Variants in SLC25A13 observed in about 807,000 individuals in gnomAD.
SLC25A13 encodes electrogenic aspartate/glutamate antiporter SLC25A13, mitochondrial.
A neutral mutation model predicts 85.5 loss-of-function variants in SLC25A13; 70 were observed. That is an observed-to-expected ratio of 0.82 (90% confidence interval 0.68 to 1.00). SLC25A13 has a LOEUF of 1.00. SLC25A13 is among the 50% of genes least tolerant of loss of function. SLC25A13 has a pLI of 0.00. For missense variants in SLC25A13, 765 were observed against 819.8 expected, an observed-to-expected ratio of 0.93 and a Z score of 0.82; for synonymous variants, 259 against 288.7, an observed-to-expected ratio of 0.90 and a Z score of 1.04.
intron 4 of SLC25A13, among the ~76,000 whole-genome samples, chr7:96,217,968 C>G (rs1795963042): frequency 1.3e-5 from 2 of 150,042 alleles, no homozygotes; most frequent in African/African-American, 4.9e-5. Context: ...TAACCCTGGG[C>G]AAATTACTTA....
At chr7:96,298,017 T>G (rs984957267) in intron 1 of SLC25A13, among the ~76,000 whole-genome samples, 2 of 152,112 alleles carry the variant, frequency 1.3e-5, no homozygotes, top group East Asian at 3.9e-4. Flanking sequence ...AACAGTGGGT[T>G]TATTCAATGT....
intron 2 of SLC25A13, among the ~76,000 whole-genome samples, chr7:96,293,863 A>T (rs972705359): frequency 2.6e-5 from 4 of 152,202 alleles, no homozygotes; most frequent in African/African-American, 7.2e-5. Flanking sequence ...ATTGTGGAAG[A>T]CAGTGTGGCA....
rs116890668 is a variant in SLC25A13 at position 96,230,936 on chromosome 7, C to T, written c.328+3866G>A. ...CCAGCTTCGCCAACATGGTGAAACCCTGTCTCTACTGAAAAATACAAAAAA... is the reference window on the plus strand; with the variant it reads ...CCAGCTTCGCCAACATGGTGAAACCTTGTCTCTACTGAAAAATACAAAAAA... On this transcript the variant is annotated intron_variant, in intron 4 of 17. Transcript: ENST00000265631. 7.1e-4 allele frequency among the ~76,000 whole-genome samples: 108 copies of T among 152,278 alleles called. No homozygotes were observed. In the East Asian group the frequency reaches 0.018, roughly 25 times the overall value.
At chr7:96,218,517 CT>C (rs1320068402) in intron 4 of SLC25A13, among the ~76,000 whole-genome samples, 1 of 152,146 alleles carries the variant, frequency 6.6e-6, no homozygotes, top group Non-Finnish European at 1.5e-5. Flanking sequence ...TCATCAAGGT[CT>C]TCACTTATGC....
intron 5 of SLC25A13, among the ~76,000 whole-genome samples, chr7:96,207,655 A>G (rs1795510670): frequency 6.6e-6 from 1 of 152,214 alleles, no homozygotes; most frequent in Non-Finnish European, 1.5e-5. Flanking sequence ...ATAGATATTG[A>G]CCTCTAGTGA....
At chr7:96,229,862 C>G (rs1372111634) in intron 4 of SLC25A13, among the ~76,000 whole-genome samples, 4 of 152,126 alleles carry the variant, frequency 2.6e-5, no homozygotes, top group Admixed American at 6.5e-5. Flanking sequence ...TAACACTCAC[C>G]ACGAGGGTCC....
chr7:96,254,592 A>G (rs1394043388), intron 3 of SLC25A13, among the ~76,000 whole-genome samples: 3 of 152,182 alleles, frequency 2.0e-5, no homozygotes, highest in African/African-American at 7.2e-5. Flanking sequence ...GTGTATATAT[A>G]CCCTATTGGA....
intron 4 of SLC25A13, among the ~76,000 whole-genome samples, chr7:96,211,169 T>C (rs1220427919): frequency 1.3e-5 from 2 of 152,158 alleles, no homozygotes; most frequent in Non-Finnish European, 2.9e-5. Context: ...ACAATCTTAT[T>C]TATCTATAAT....
chr7:96,208,663 G>A (rs910592406), intron 5 of SLC25A13, among the ~76,000 whole-genome samples, 175 bp downstream of exon 5: 6 of 151,872 alleles, frequency 4.0e-5, no homozygotes, highest in African/African-American at 7.3e-5. Context: ...CGGCCACCAC[G>A]CCTGGCTAAT....
chr7:96,246,188 C>A (rs1300575560), intron 3 of SLC25A13, among the ~76,000 whole-genome samples: 1 of 152,234 alleles, frequency 6.6e-6, no homozygotes, highest in Non-Finnish European at 1.5e-5. Context: ...CCAGTTTGAT[C>A]ATTCCCTTGA....
At chr7:96,151,569 C>T (rs951392475) in intron 13 of SLC25A13, among the ~76,000 whole-genome samples, 5 of 151,528 alleles carry the variant, frequency 3.3e-5, no homozygotes, top group African/African-American at 1.2e-4. Context: ...TGCACTCCAG[C>T]CTGAGCGACA....
At chr7:96,283,762 G>A in intron 2 of SLC25A13, 1 of 206,428 alleles carries the variant, frequency 4.8e-6, no homozygotes, top group Non-Finnish European at 9.7e-6. Flanking sequence ...AGAACTCACG[G>A]GAAGGAGCTT....
chr7:96,209,099 T>C (rs1433557313), intron 4 of SLC25A13, 122 bp from the exon 5 acceptor site: 3 of 966,760 alleles, frequency 3.1e-6, no homozygotes, highest in African/African-American at 3.3e-5. Flanking sequence ...TAAATAGACA[T>C]ACAGATTACA....
chr7:96,140,616 G>T (rs1024827773), intron 14 of SLC25A13, among the ~76,000 whole-genome samples: 6 of 151,302 alleles, frequency 4.0e-5, no homozygotes, highest in African/African-American at 1.5e-4. Context: ...TGTTAGCCAG[G>T]ATGGTCTTGA....
intron 4 of SLC25A13, among the ~76,000 whole-genome samples, chr7:96,229,036 C>G (rs992194598): frequency 2.0e-5 from 3 of 152,190 alleles, no homozygotes; most frequent in African/African-American, 7.2e-5. Context: ...CCAACGGGTG[C>G]CGCCCCCTGC....
At chr7:96,127,529 C>A (rs976678874) in intron 15 of SLC25A13, among the ~76,000 whole-genome samples, 1 of 152,146 alleles carries the variant, frequency 6.6e-6, no homozygotes, top group African/African-American at 2.4e-5. Context: ...ATTACTAAAA[C>A]AATCTAACCT....
intron 13 of SLC25A13, among the ~76,000 whole-genome samples, chr7:96,156,640 AC>A (rs1172126357): frequency 3.3e-5 from 5 of 151,818 alleles, no homozygotes; most frequent in Admixed American, 3.3e-4. Flanking sequence ...TTTAGTAGAG[AC>A]GGGGTTTCAC....
intron 13 of SLC25A13, chr7:96,169,738 GA>G (rs1382188600): frequency 5.1e-6 from 2 of 392,940 alleles, no homozygotes; most frequent in Non-Finnish European, 9.2e-6. Flanking sequence ...ATTAACTTTA[GA>G]AAAGGTTAGC....
intron 1 of SLC25A13, among the ~76,000 whole-genome samples, chr7:96,308,908 T>C (rs1426744095): frequency 1.3e-5 from 2 of 152,286 alleles, no homozygotes; most frequent in African/African-American, 4.8e-5. Context: ...GACCAGGCTC[T>C]TCTCAAGTTG....
Sources: allele counts gnomAD v4.1 joint callset (sites outside exome capture counted in the v4.1 genomes callset), GRCh38; gene constraint gnomAD v4.1.1; transcripts MANE v1.5; gene names NCBI Gene and HGNC (gene_info 2026-07-23, HGNC 2026-07-21).